TSPAN33: variants seen among roughly 807,000 people sequenced by gnomAD.
TSPAN33 encodes the protein tetraspanin-33.
A neutral mutation model predicts 34.8 loss-of-function variants in TSPAN33; 27 were observed. The observed-to-expected ratio is 0.78, with a 90% CI of 0.57 to 1.07. The LOEUF (loss-of-function observed/expected upper bound fraction) is 1.07, where lower values mean the gene tolerates loss of function less well. Ranked by LOEUF, TSPAN33 falls within the 50% of genes least tolerant of loss-of-function variation. The pLI is 0.00. For missense variants in TSPAN33, 272 were observed against 324.9 expected, an observed-to-expected ratio of 0.84 and a Z score of 1.25; for synonymous variants, 119 against 124.2, an observed-to-expected ratio of 0.96 and a Z score of 0.28.
In TSPAN33 at chr7:129,144,980, C is replaced by T. The variant is rs763013484; in HGVS notation, c.-1C>T. 3.1e-6 allele frequency: 2 copies of T among 640,314 alleles called. No individual in the cohort carries two copies. The highest frequency in any genetic ancestry group is 3.3e-5 in the South Asian group (2 of 60,136). The allele number at this position is 640,314 out of a possible 1,614,324, so 39.7% of individuals were successfully genotyped here. ...CCGGGGGCGGTGGCGGCGGCGGGGC[C>T]ATGGCGCGGAGACCCCGGGCGCCGG... On this transcript the variant is annotated 5_prime_UTR_variant, in exon 1 of 8. Transcript: ENST00000486685.
Position 129,161,743 on chromosome 7 carries a change from T to C in TSPAN33, c.160+7T>C. ...CGGCTAATGAAGCATGCAGGTGAGC[T>C]GTAGCTCTCCCTCCCTGCCCCCACC... On this transcript the variant is annotated splice_region_variant and intron_variant, in intron 2 of 7. Transcript: ENST00000486685. The C allele has an allele frequency of 6.2e-7, 1 of 1,614,116 alleles. No homozygotes were observed. The highest frequency in any genetic ancestry group is 8.5e-7 in the Non-Finnish European group (1 of 1,179,998).
rs200944278 is a variant in TSPAN33, at chr7:129,153,078, A to G, written c.102+7996A>G. Among the ~76,000 whole-genome samples the G allele has an allele frequency of 8.7e-4, 131 of 151,128 alleles. No individual in the cohort carries two copies. In the East Asian group the frequency reaches 0.019, roughly 22 times the overall value. On this transcript the variant is annotated intron_variant, in intron 1 of 7. Coordinates refer to ENST00000486685, the MANE Select transcript of TSPAN33 (RefSeq NM_178562.5). ...CCGTCTCAAAAAAAAAAAAAAAAAA[A>G]AAAAGAAAAAGAAAAAGAAAACATT...
chr7:129,150,592 A>T (rs1465253951), intron 1 of TSPAN33, among the ~76,000 whole-genome samples: 1 of 152,188 alleles, frequency 6.6e-6, no homozygotes, highest in Non-Finnish European at 1.5e-5. Flanking sequence ...TAGCCATGTG[A>T]ACTGAGGAAA....
At position 129,167,548 on chromosome 7, in the gene TSPAN33, G is replaced by T; in HGVS notation, c.738G>T (p.Leu246=). The change falls in exon 7 of 8, where the codon CTG becomes CTT. Residue 246 remains leucine, a synonymous_variant. Coordinates refer to ENST00000486685, the MANE Select transcript of TSPAN33 (RefSeq NM_178562.5). This position sits in a 1 kb window ranked among gnomAD's most constrained non-coding sequence, Gnocchi z 4.6. ...TACTTGGTGGTGTGGCTCTAGGCCT[G>T]GCCATCCCCCAGGTAACTTACCCTG... The part of the protein sequence containing the change: ...LFLLGGVALG[L]AIPQLVGILL... 6.2e-7 allele frequency: 1 copy of T among 1,613,850 alleles called. No homozygotes were observed. Among genetic ancestry groups the T allele is most frequent in the Non-Finnish European group, 8.5e-7 (1 of 1,179,864 alleles).
chr7:129,158,012 C>T (rs1792982837), intron 1 of TSPAN33, among the ~76,000 whole-genome samples: 1 of 152,214 alleles, frequency 6.6e-6, no homozygotes, highest in Admixed American at 6.5e-5. Flanking sequence ...CCCCGCATTC[C>T]TTCGGGAAGT....
chr7:129,160,379 T>G (rs1011490112), intron 1 of TSPAN33, among the ~76,000 whole-genome samples: 1 of 152,138 alleles, frequency 6.6e-6, no homozygotes, highest in African/African-American at 2.4e-5. Flanking sequence ...CTGCCAGAGC[T>G]TGGCCCCATC....
intron 1 of TSPAN33, among the ~76,000 whole-genome samples, chr7:129,149,384 C>T (rs925247715): frequency 2.0e-5 from 3 of 152,066 alleles, no homozygotes; most frequent in African/African-American, 4.8e-5. Context: ...ATGGTGAAAC[C>T]CCATCTCTAC....
At chr7:129,164,736 T>G (rs1326613557) in intron 5 of TSPAN33, 167 bp downstream of exon 5, 9 of 617,058 alleles carry the variant, frequency 1.5e-5, no homozygotes, top group Non-Finnish European at 2.3e-5. Context: ...AAATGTACTT[T>G]TAAAGACACA....
At chr7:129,161,047 C>T (rs1234998824) in intron 1 of TSPAN33, among the ~76,000 whole-genome samples, 1 of 152,182 alleles carries the variant, frequency 6.6e-6, no homozygotes, top group African/African-American at 2.4e-5. Flanking sequence ...AAGTTTGACT[C>T]GCTCTGAAGA....
rs1015683987 is a variant in TSPAN33 at position 129,154,656 on chromosome 7, G to T, written c.103-7023G>T. On this transcript the variant is annotated intron_variant, in intron 1 of 7. Coordinates refer to ENST00000486685, the MANE Select transcript of TSPAN33 (RefSeq NM_178562.5). ...CTTGGGAGGCTGAGGCAGGAGAATC[G>T]CTTGAACCTGGAAGGTGGAGGTTGC... is the stretch of plus-strand genomic sequence containing the variant. Among the ~76,000 whole-genome samples the T allele has an allele frequency of 2.6e-5, 4 of 152,188 alleles. No individual in the cohort carries two copies. In the South Asian group the frequency reaches 6.2e-4, roughly 24 times the overall value.
chr7:129,163,702 A>G (rs1277320979), intron 4 of TSPAN33, among the ~76,000 whole-genome samples: 2 of 152,148 alleles, frequency 1.3e-5, no homozygotes, highest in African/African-American at 4.8e-5. Flanking sequence ...GCGGTAGCTC[A>G]TGCCTGTAAT....
chr7:129,154,090 G>A (rs1247840451), intron 1 of TSPAN33, among the ~76,000 whole-genome samples: 3 of 151,924 alleles, frequency 2.0e-5, no homozygotes, highest in Non-Finnish European at 2.9e-5. Context: ...CCAGCACTTT[G>A]GGAGACCAAT....
intron 2 of TSPAN33, among the ~76,000 whole-genome samples, 193 bp downstream of exon 2, chr7:129,161,929 G>A (rs1419329240): frequency 6.6e-6 from 1 of 152,214 alleles, no homozygotes; most frequent in Non-Finnish European, 1.5e-5. Flanking sequence ...GCCCCTCTGA[G>A]TCTTCCAGGA....
At position 129,167,408 on chromosome 7, in the gene TSPAN33, A is replaced by C. The variant is rs767675809; in HGVS notation, c.598A>C (p.Asn200His). ...TCAACTCTTTCCCCAGGCAGTGATCAACACTATGTGTGGCCAAGGTATGCA... is the reference window on the plus strand; with the variant it reads ...TCAACTCTTTCCCCAGGCAGTGATCCACACTATGTGTGGCCAAGGTATGCA... ...CLPTPDQAVINTMCGQGMQAF... is the reference protein window; with the variant it reads ...CLPTPDQAVIHTMCGQGMQAF... The change falls in exon 7 of 8, where the codon AAC (asparagine) becomes CAC (histidine). Residue 200 changes from asparagine to histidine, a missense_variant. Physicochemically the swap from Asn to His is moderately conservative, Grantham distance 68 (BLOSUM62 1). Transcript: ENST00000486685. This position sits in a 1 kb window ranked among gnomAD's most constrained non-coding sequence, Gnocchi z 4.6. 1.2e-6 allele frequency: 2 copies of C among 1,612,916 alleles called. No homozygotes were observed. Among genetic ancestry groups the C allele is most frequent in the South Asian group, 2.2e-5 (2 of 90,968 alleles).
Position 129,145,089 on chromosome 7 carries a change from C to G in TSPAN33, c.102+7C>G. On this transcript the variant is annotated splice_region_variant and intron_variant, in intron 1 of 7. Transcript: ENST00000486685. Reference sequence around the variant, plus strand: ...CTTCAACATGCTCTTCTGGGTGAGTCTCGGGGTCGAGGGCACCTGGGCGGC... The same window carrying G: ...CTTCAACATGCTCTTCTGGGTGAGTGTCGGGGTCGAGGGCACCTGGGCGGC... 1 of 700,732 alleles carries G rather than the reference C, an allele frequency of 1.4e-6. No homozygotes were observed. Among genetic ancestry groups the G allele is most frequent in the Admixed American group, 2.1e-5 (1 of 48,360 alleles). 43.4% of individuals were successfully genotyped at this position (700,732 alleles called of 1,614,324 possible). A position where few individuals can be genotyped will look rare whatever the true frequency, so the allele number is the denominator to read the frequency against.
chr7:129,162,313 CA>C, intron 2 of TSPAN33, 80 bp from the exon 3 acceptor site: 2 of 1,578,222 alleles, frequency 1.3e-6, no homozygotes, highest in Non-Finnish European at 8.6e-7. Context: ...GGAAGGAGAA[CA>C]GTTTGGGGCA....
chr7:129,156,355 C>T (rs1006158753), intron 1 of TSPAN33, among the ~76,000 whole-genome samples: 6 of 152,198 alleles, frequency 3.9e-5, no homozygotes, highest in Non-Finnish European at 7.3e-5. Flanking sequence ...GGTTCCTCCG[C>T]TGTAGAGTTA....
intron 5 of TSPAN33, 196 bp downstream of exon 5, chr7:129,164,765 T>G (rs1428988983): frequency 1.9e-6 from 1 of 528,546 alleles, no homozygotes; most frequent in East Asian, 3.3e-5. Context: ...TATATAGTAA[T>G]CTACTGTGTT....
intron 4 of TSPAN33, among the ~76,000 whole-genome samples, chr7:129,163,691 C>A (rs979125918): frequency 6.6e-6 from 1 of 152,070 alleles, no homozygotes; most frequent in Non-Finnish European, 1.5e-5. Flanking sequence ...TTGGGCCAGG[C>A]GCGGTAGCTC....
Sources: gnomAD v4.1 joint callset for allele counts (sites outside exome capture counted in the v4.1 genomes callset) on GRCh38, gnomAD v4.1.1 for gene constraint, Gnocchi (gnomAD v3.1) non-coding constraint, MANE v1.5 for transcripts, NCBI Gene and HGNC (gene_info 2026-07-23, HGNC 2026-07-21) for gene names.